The following SACS variants were observed in gnomAD, a reference collection of about 807,000 sequenced individuals.
The protein encoded by SACS is sacsin.
In SACS, 197 loss-of-function variants were observed where a neutral mutation model predicts 348.0. That is an observed-to-expected ratio of 0.57 (90% CI 0.50 to 0.64). The LOEUF (loss-of-function observed/expected upper bound fraction) is 0.64, where lower values mean the gene tolerates loss of function less well. Ranked by LOEUF, SACS falls within the 30% of genes least tolerant of loss-of-function variation. The pLI is 0.00. For missense variants in SACS, 4,999 were observed against 5,360.8 expected, an observed-to-expected ratio of 0.93 and a Z score of 2.11; for synonymous variants, 1,985 against 1,910.6, an observed-to-expected ratio of 1.04 and a Z score of -1.02.
rs2137640553 is a variant in SACS, at chr13:23,341,053, A to G, written c.2823T>C (p.Tyr941=). The part of the protein sequence containing the change: ...NHSSDQGISS[Y]TKLKGCKVLH... ...AGACTTTACAACCTTTCAATTTTGT[A>G]TAAGAGGAAATTCCCTGATCAGAAG... The change falls in exon 10 of 10, where the codon TAT becomes TAC. Residue 941 remains tyrosine, a synonymous_variant. Transcript: ENST00000382292. 3.7e-6 allele frequency: 6 copies of G among 1,614,134 alleles called. No individual in the cohort carries two copies. The highest frequency in any genetic ancestry group is 5.1e-6 in the Non-Finnish European group (6 of 1,180,006).
chr13:23,339,773 C>G lies in SACS; in HGVS notation c.4103G>C (p.Ser1368Thr). 6.2e-7 allele frequency: 1 copy of G among 1,614,002 alleles called. No homozygotes were observed. The highest frequency in any genetic ancestry group is 1.1e-5 in the South Asian group (1 of 91,052). ...GTTGGGGCTTGCTGGAATCTGATTG[C>G]TATACAGCCATCTGATAATATTCAA... ...LMLNIIRWLY[S>T]NQIPASPNTP... Residue 1368 changes from serine (S) to threonine (T), a missense_variant, in exon 10 of 10, where the codon AGC becomes ACC. Around this residue, in one of 6 missense-constraint regions of SACS, gnomAD observed 3,156 missense variants for 3,380.1 expected, o/e 0.93. Transcript: ENST00000382292.
At chr13:23,346,012 AC>A (rs1433000465) in intron 9 of SACS, among the ~76,000 whole-genome samples, 1 of 152,048 alleles carries the variant, frequency 6.6e-6, no homozygotes, top group African/African-American at 2.4e-5. Context: ...TCCTCTGCAC[AC>A]CCAGGACGGG....
rs752220744 is a variant in SACS at position 23,341,218 on chromosome 13, C to A, written c.2658G>T (p.Gln886His). Residue 886 changes from glutamine to histidine, a missense_variant, in exon 10 of 10, where the codon CAG (glutamine) becomes CAT (histidine). Gln to His is a conservative substitution (Grantham distance 24). Coordinates refer to ENST00000382292, the MANE Select transcript of SACS (RefSeq NM_014363.6). Reference protein sequence around the residue: ...VLQIMEKMPLQKLCNQITSLL... With the variant: ...VLQIMEKMPLHKLCNQITSLL... ...GCGAAGTTATTTGATTACACAATTT[C>A]TGCAATGGCATCTTCTCCATTATCT... 24 of 1,613,864 alleles carry A rather than the reference C, an allele frequency of 1.5e-5. No homozygotes were observed. The highest frequency in any genetic ancestry group is 1.9e-5 in the Non-Finnish European group (22 of 1,180,022).
chr13:23,420,598 G>A (rs1375439947), intron 1 of SACS, among the ~76,000 whole-genome samples: 3 of 152,156 alleles, frequency 2.0e-5, no homozygotes, highest in Non-Finnish European at 4.4e-5. Flanking sequence ...TATTCACCCA[G>A]GGCTTGATTT....
rs146528131 is a variant in SACS, at chr13:23,415,377, C to CA, written c.-501-3638dup. Among the ~76,000 whole-genome samples, 108 of 152,208 alleles carry CA rather than the reference C, an allele frequency of 7.1e-4. 1 individual carries two copies. The highest frequency in any genetic ancestry group is 2.5e-3 in the African/African-American group (102 of 41,528). ...CTACTTCTGCCATTAACATCTAACT[C>CA]ACAATTTAGAATTCCAAACACTATT... On this transcript the variant is annotated intron_variant, in intron 1 of 9. Transcript: ENST00000382292.
chr13:23,329,390 C>A lies in SACS; in HGVS notation c.*746G>T. 1.3e-6 allele frequency: 1 copy of A among 748,456 alleles called. No homozygotes were observed. The highest frequency in any genetic ancestry group is 2.5e-6 in the Non-Finnish European group (1 of 407,266). 46.4% of individuals were successfully genotyped at this position (748,456 alleles called of 1,614,324 possible). On this transcript the variant is annotated 3_prime_UTR_variant, in exon 10 of 10. Transcript: ENST00000382292. ...TGTTCTAACAGTTAATAAATGTTGT[C>A]TTGGCAAGCAGTTTCCAGAAACAAT...
At chr13:23,352,218 T>C (rs759588949) in intron 9 of SACS, among the ~76,000 whole-genome samples, 22 of 152,220 alleles carry the variant, frequency 1.4e-4, no homozygotes, top group Non-Finnish European at 1.2e-4. Context: ...AAAAATATTT[T>C]CTTTAAAAGA....
chr13:23,405,592 G>T (rs1037983408), intron 2 of SACS, among the ~76,000 whole-genome samples: 3 of 151,806 alleles, frequency 2.0e-5, no homozygotes, highest in African/African-American at 7.3e-5. Context: ...CACAGCAAAA[G>T]AAACTATCAT....
At chr13:23,361,918 C>G (rs771062514) in intron 6 of SACS, among the ~76,000 whole-genome samples, 8 of 152,136 alleles carry the variant, frequency 5.3e-5, no homozygotes, top group Non-Finnish European at 7.4e-5. Flanking sequence ...AAGAGATGAC[C>G]CAGCCAAATC....
Position 23,337,440 on chromosome 13 carries a change from T to C in SACS, c.6436A>G (p.Ile2146Val), listed in dbSNP as rs1415663565. 6.2e-7 allele frequency: 1 copy of C among 1,612,588 alleles called. No individual in the cohort carries two copies. Among genetic ancestry groups the C allele is most frequent in the Non-Finnish European group, 8.5e-7 (1 of 1,179,336 alleles). The change falls in exon 10 of 10, where the codon ATT (isoleucine) becomes GTT (valine). Residue 2146 changes from isoleucine (I) to valine (V), a missense_variant. Around this residue, in one of 6 missense-constraint regions of SACS, gnomAD observed 3,156 missense variants for 3,380.1 expected, o/e 0.93. Transcript: ENST00000382292. ...GCCATACCTAACTGAACTAGTTTAA[T>C]CAAAATAATAGGATTGAGATAATCC... Reference protein sequence around the residue: ...TQDYLNPIILIKLVQLGMAKD... With the variant: ...TQDYLNPIILVKLVQLGMAKD...
In SACS at chr13:23,354,921, G is replaced by A; in HGVS notation, c.1691C>T (p.Ser564Leu). The change falls in exon 8 of 10, where the codon TCA (serine) becomes TTA (leucine). Residue 564 changes from serine (S) to leucine (L), a missense_variant. By Grantham distance (145) the Ser-to-Leu change is moderately radical. This residue lies in a region of SACS where 3,156 missense variants were observed against 3,380.1 expected (regional missense o/e 0.93). Coordinates refer to ENST00000382292, the MANE Select transcript of SACS (RefSeq NM_014363.6). ...CAACCTGACCCAGTCACAGCTAATT[G>A]AATAAATCACTGCATTCTGCAACAG... ...SELLQNAVIY[S>L]ISCDWVRLEQ... 1 of 1,614,192 alleles carries A rather than the reference G, an allele frequency of 6.2e-7. No homozygotes were observed. Among genetic ancestry groups the A allele is most frequent in the South Asian group, 1.1e-5 (1 of 91,084 alleles).
chr13:23,343,000 T>TG (rs1869365198), intron 9 of SACS, among the ~76,000 whole-genome samples: 1 of 152,134 alleles, frequency 6.6e-6, no homozygotes, highest in Non-Finnish European at 1.5e-5. Flanking sequence ...TCTAGCTACT[T>TG]ATTATTAAAG....
In SACS at chr13:23,337,376, G is replaced by A. The variant is rs775807007; in HGVS notation, c.6500C>T (p.Ala2167Val). 1.9e-6 allele frequency: 3 copies of A among 1,613,646 alleles called. No homozygotes were observed. The highest frequency in any genetic ancestry group is 3.3e-5 in the Admixed American group (2 of 59,958). The change falls in exon 10 of 10, where the codon GCA (alanine) becomes GTA (valine). Residue 2167 changes from alanine (A) to valine (V), a missense_variant. By Grantham distance (64) the Ala-to-Val change is moderately conservative. This residue lies in a region of SACS where 3,156 missense variants were observed against 3,380.1 expected (regional missense o/e 0.93). Coordinates refer to ENST00000382292, the MANE Select transcript of SACS (RefSeq NM_014363.6). ...DILWDDMLER[A>V]VSVAEINKSD... ...TTTATTAATTTCAGCTACTGACACT[G>A]CACGTTCTAGCATATCATCCCATAA...
Position 23,335,719 on chromosome 13 carries a change from T to G in SACS, c.8157A>C (p.Ser2719=). The G allele has an allele frequency of 6.2e-7, 1 of 1,614,072 alleles. No individual in the cohort carries two copies. The highest frequency in any genetic ancestry group is 2.2e-5 in the East Asian group (1 of 44,892). ...CCAAAAGATTCTGGACCATTCTGTC[T>G]GATGCTGGAACAGACGAAATTTCCG... ...KVSEISSVPA[S]DRMVQNLLDK... The change falls in exon 10 of 10, where the codon TCA becomes TCC. Residue 2719 remains serine (S), a synonymous_variant. Transcript: ENST00000382292. The surrounding 1 kb of genome is among the most constrained non-coding windows in gnomAD (Gnocchi z 4.7).
rs763113991 is a variant in SACS at position 23,354,717 on chromosome 13, C to T, written c.1895G>A (p.Arg632Gln). Residue 632 changes from arginine to glutamine, a missense_variant, in exon 8 of 10, where the codon CGG becomes CAG. Around this residue, in one of 6 missense-constraint regions of SACS, gnomAD observed 3,156 missense variants for 3,380.1 expected, o/e 0.93. Transcript: ENST00000382292. ...PVRKVTPAWV[R>Q]QVLRKCAHLG... The stretch of plus-strand genomic sequence containing the variant: ...GTGTGCACACTTCCGCAGCACCTGC[C>T]GCACCCACGCGGGCGTCACCTTCCT... The T allele has an allele frequency of 1.9e-6, 3 of 1,613,634 alleles. No individual in the cohort carries two copies. Among genetic ancestry groups the T allele is most frequent in the Admixed American group, 1.7e-5 (1 of 60,012 alleles).
chr13:23,394,828 C>A (rs768754109), intron 2 of SACS, among the ~76,000 whole-genome samples: 16 of 152,206 alleles, frequency 1.1e-4, no homozygotes, highest in Non-Finnish European at 2.1e-4. Flanking sequence ...GCACTCCAGA[C>A]TGGGTGACAG....
chr13:23,335,716 G>T lies in SACS; in HGVS notation c.8160C>A (p.Asp2720Glu). The T allele has an allele frequency of 6.2e-7, 1 of 1,614,032 alleles. No homozygotes were observed. The highest frequency in any genetic ancestry group is 8.5e-7 in the Non-Finnish European group (1 of 1,179,900). The change falls in exon 10 of 10, where the codon GAC (aspartate) becomes GAA (glutamate). Residue 2720 changes from aspartate to glutamate, a missense_variant. Physicochemically the swap from Asp to Glu is conservative, Grantham distance 45. Transcript: ENST00000382292. This position sits in a 1 kb window ranked among gnomAD's most constrained non-coding sequence, Gnocchi z 4.7. The stretch of plus-strand genomic sequence containing the variant: ...TGTCCAAAAGATTCTGGACCATTCT[G>T]TCTGATGCTGGAACAGACGAAATTT... ...VSEISSVPAS[D>E]RMVQNLLDKL...
At chr13:23,372,280 A>C (rs1440147627) in intron 3 of SACS, among the ~76,000 whole-genome samples, 1 of 152,226 alleles carries the variant, frequency 6.6e-6, no homozygotes, top group Non-Finnish European at 1.5e-5. Flanking sequence ...GATGTACAGA[A>C]AGTAAGGAGA....
At chr13:23,433,381 GCTCATTA>G (rs1204983026) in intron 1 of SACS, among the ~76,000 whole-genome samples, 1 of 152,142 alleles carries the variant, frequency 6.6e-6, no homozygotes, top group Non-Finnish European at 1.5e-5. Flanking sequence ...TTTCAGAAGA[GCTCATTA>G]CTCACAGCTG....
Sources: allele counts gnomAD v4.1 joint callset (sites outside exome capture counted in the v4.1 genomes callset), GRCh38; gene constraint gnomAD v4.1.1; regional missense constraint gnomAD v4.1.1; non-coding constraint Gnocchi (gnomAD v3.1); transcripts MANE v1.5; gene names NCBI Gene and HGNC (gene_info 2026-07-23, HGNC 2026-07-21).